DMD: variants seen among roughly 807,000 people sequenced by gnomAD.
DMD encodes the protein mutant dystrophin.
DMD carries 63 observed loss-of-function variants against 330.1 expected under a neutral mutation model. That is an observed-to-expected ratio of 0.19 (90% CI 0.16 to 0.24). The LOEUF is 0.24. DMD is among the 10% of genes least tolerant of loss of function. The pLI is 1.00. For synonymous variants in DMD, 1,223 were observed against 959.8 expected, an observed-to-expected ratio of 1.27 and a Z score of -5.07; for missense variants, 3,344 against 2,684.1, an observed-to-expected ratio of 1.25 and a Z score of -5.43.
chrX:31,227,183 C>T (rs1304111265), intron 63 of DMD, among the ~76,000 whole-genome samples: 1 of 110,939 alleles, frequency 9.0e-6, no homozygotes, highest in Non-Finnish European at 1.9e-5. Context: ...TTCTATTCAG[C>T]ATTTAGAACA....
intron 54 of DMD, among the ~76,000 whole-genome samples, chrX:31,628,943 A>ATATAT (rs756897440): frequency 1.4e-5 from 1 of 70,665 alleles, no homozygotes; most frequent in African/African-American, 5.4e-5. Context: ...TATATATATA[A>ATATAT]AATGCATGTA....
At chrX:32,582,446 CCTTTA>C (rs376604613) in intron 13 of DMD, among the ~76,000 whole-genome samples, 1 of 111,051 alleles carries the variant, frequency 9.0e-6, no homozygotes, top group African/African-American at 3.3e-5. Flanking sequence ...AGTTTAAGAG[CCTTTA>C]CTTTAAAAAC....
intron 47 of DMD, among the ~76,000 whole-genome samples, chrX:31,903,788 T>C (rs373560861): frequency 1.8e-5 from 2 of 112,027 alleles, no homozygotes; most frequent in East Asian, 5.6e-4. Flanking sequence ...TTCATGAATA[T>C]AGTAAGGATT....
chrX:33,023,617 GTATGTTCCTAT>G (rs1204084438), intron 1 of DMD, among the ~76,000 whole-genome samples: 3 of 111,358 alleles, frequency 2.7e-5, no homozygotes, highest in Non-Finnish European at 3.8e-5. Flanking sequence ...TATTTATTCT[GTATGTTCCTAT>G]TTTTGTCAAA....
chrX:31,716,181 C>T (rs115980751), intron 52 of DMD, among the ~76,000 whole-genome samples: 1,924 of 112,123 alleles, frequency 0.017, 55 homozygotes, highest in African/African-American at 0.059. Flanking sequence ...AAGCAACTTG[C>T]CCTCCCATCT....
intron 7 of DMD, among the ~76,000 whole-genome samples, chrX:32,727,424 C>A (rs1475102022): frequency 9.0e-6 from 1 of 111,087 alleles, no homozygotes; most frequent in Admixed American, 9.6e-5. Context: ...GATTAATGTT[C>A]AAGCAACTGA....
chrX:32,735,506 C>T (rs1388949896), intron 7 of DMD, among the ~76,000 whole-genome samples: 3 of 111,606 alleles, frequency 2.7e-5, no homozygotes, highest in Non-Finnish European at 5.6e-5. Flanking sequence ...CACTACCTGA[C>T]TTCAAACTAT....
At chrX:32,854,333 A>C (rs1285638199) in intron 2 of DMD, among the ~76,000 whole-genome samples, 1 of 111,910 alleles carries the variant, frequency 8.9e-6, no homozygotes, top group East Asian at 2.8e-4. Flanking sequence ...TTGAAATATA[A>C]AGTATCTTAT....
chrX:32,490,915 A>C (rs945882283), intron 20 of DMD, among the ~76,000 whole-genome samples: 1 of 111,967 alleles, frequency 8.9e-6, no homozygotes, highest in Non-Finnish European at 1.9e-5. Context: ...AACTATTTCC[A>C]TGGATTCCAC....
rs1174153877 is a variant in DMD, at chrX:31,266,159, C to CAAAAAAAAAA, written c.9225-5153_9225-5144dup. ...TGACTCCACACCCAATCCCGAAGGG[C>CAAAAAAAAAA]AAAAAAAAAAAAAAAAAAAAAAAAG... On this transcript the variant is annotated intron_variant, in intron 62 of 78. Coordinates refer to ENST00000357033, the MANE Select transcript of DMD (RefSeq NM_004006.3). 2.5e-3 allele frequency among the ~76,000 whole-genome samples: 33 copies of CAAAAAAAAAA among 13,329 alleles called. 4 individuals carry two copies. Among genetic ancestry groups the CAAAAAAAAAA allele is most frequent in the African/African-American group, 0.011 (29 of 2,690 alleles). The allele number at this position is 13,329 out of a possible 115,157, so 11.6% of individuals were successfully genotyped here.
Position 32,568,570 on chromosome X carries a change from T to G in DMD, c.1813-2689A>C, listed in dbSNP as rs2052028213. ...TCAAGGTAAAGTAAAATCAATGTTA[T>G]AATTACATTGTGTGATTATTGAATA... is the stretch of plus-strand genomic sequence containing the variant. On this transcript the variant is annotated intron_variant, in intron 15 of 78. Transcript: ENST00000357033. 3.6e-5 allele frequency among the ~76,000 whole-genome samples: 4 copies of G among 111,319 alleles called. No homozygotes were observed. In the South Asian group the frequency reaches 1.5e-3, roughly 42 times the overall value.
At chrX:32,820,971 A>AGCGGGGCGTGGTGGGGGGC (rs1194609706) in intron 5 of DMD, among the ~76,000 whole-genome samples, 1 of 111,275 alleles carries the variant, frequency 9.0e-6, no homozygotes, top group East Asian at 3.0e-4. Context: ...ACATATGAAA[A>AGCGGGGCGTGGTGGGGGGC]GCAGTTTGGG....
At chrX:31,304,794 C>G (rs149399515) in intron 62 of DMD, among the ~76,000 whole-genome samples, 73 of 110,772 alleles carry the variant, frequency 6.6e-4, no homozygotes, top group African/African-American at 2.3e-3. Context: ...CATCCCACCC[C>G]ATGACTCTAA....
intron 48 of DMD, among the ~76,000 whole-genome samples, chrX:31,872,531 C>A (rs1246402685): frequency 9.0e-6 from 1 of 111,360 alleles, no homozygotes; most frequent in Admixed American, 9.6e-5. Context: ...AAAAAAAAAT[C>A]TTTTCTTAAA....
chrX:33,030,152 A>G (rs2147840135), intron 1 of DMD, among the ~76,000 whole-genome samples: 1 of 111,839 alleles, frequency 8.9e-6, no homozygotes, highest in African/African-American at 3.2e-5. Flanking sequence ...AGAAAGAGAA[A>G]AAAATAGACA....
chrX:32,981,388 G>A (rs754547789), intron 2 of DMD, among the ~76,000 whole-genome samples: 173 of 111,135 alleles, frequency 1.6e-3, no homozygotes, highest in African/African-American at 5.4e-3. Context: ...GAATGAGTTC[G>A]GGCAAATTTC....
At chrX:32,810,798 A>T (rs1484726014) in intron 6 of DMD, among the ~76,000 whole-genome samples, 1 of 111,616 alleles carries the variant, frequency 9.0e-6, no homozygotes, top group Non-Finnish European at 1.9e-5. Context: ...CTTTAGGGGA[A>T]GTACAAATTA....
chrX:33,249,335 G>A (rs2052727541), intron 1 of DMD, among the ~76,000 whole-genome samples: 1 of 110,685 alleles, frequency 9.0e-6, no homozygotes, highest in Non-Finnish European at 1.9e-5. Flanking sequence ...ATTTTCAGTA[G>A]AGACCGGGTT....
chrX:31,366,495 A>AC (rs2059255030), intron 60 of DMD, among the ~76,000 whole-genome samples: 2 of 99,537 alleles, frequency 2.0e-5, no homozygotes, highest in African/African-American at 7.5e-5. Context: ...AAAAAAAAAA[A>AC]ACATAAAAAA....
Sources: allele counts gnomAD v4.1 joint callset (sites outside exome capture counted in the v4.1 genomes callset), GRCh38; gene constraint gnomAD v4.1.1; transcripts MANE v1.5; gene names NCBI Gene and HGNC (gene_info 2026-07-23, HGNC 2026-07-21).